The following EPB41L2 variants were observed in gnomAD, a reference collection of about 807,000 sequenced individuals.
The protein encoded by EPB41L2 is band 4.1-like protein 2.
A neutral mutation model predicts 113.0 loss-of-function variants in EPB41L2; 43 were observed. The ratio of observed to expected loss-of-function variants is 0.38; its 90% CI spans 0.30 to 0.49. The LOEUF (loss-of-function observed/expected upper bound fraction) is 0.49, where lower values mean the gene tolerates loss of function less well. Among genes scored for constraint, EPB41L2 ranks in the 20% least tolerant of loss-of-function variants. The pLI is 0.95. For missense variants in EPB41L2, 1,147 were observed against 1,223.4 expected, an observed-to-expected ratio of 0.94 and a Z score of 0.93; for synonymous variants, 442 against 436.7, an observed-to-expected ratio of 1.01 and a Z score of -0.15.
rs73775331 is a variant in EPB41L2, at chr6:130,880,723, A to G, written c.1834-517T>C. The G allele has an allele frequency of 9.8e-3, 3,966 of 403,020 alleles. 75 individuals carry two copies. The highest frequency in any genetic ancestry group is 0.048 in the African/African-American group (2,337 of 48,760). 25.0% of individuals were successfully genotyped at this position (403,020 alleles called of 1,614,324 possible). ...AGGTGGAATGGAGGATGGAAGCTTC[A>G]CTCTTTCTCAGTCCCTAGATTATGC... On this transcript the variant is annotated intron_variant, in intron 12 of 19. Coordinates refer to ENST00000337057, the MANE Select transcript of EPB41L2 (RefSeq NM_001431.4).
chr6:131,050,843 C>T (rs1205470196), intron 1 of EPB41L2, among the ~76,000 whole-genome samples: 1 of 152,200 alleles, frequency 6.6e-6, no homozygotes, highest in African/African-American at 2.4e-5. Context: ...ATCTGTCCGC[C>T]TTGGCCTCCC....
intron 1 of EPB41L2, among the ~76,000 whole-genome samples, chr6:130,960,410 C>T (rs1425897929): frequency 1.3e-5 from 2 of 152,138 alleles, no homozygotes; most frequent in African/African-American, 4.8e-5. Flanking sequence ...ACCATGTAAT[C>T]ATAACTGAGC....
At chr6:130,846,927 T>C (rs1389713613) in intron 19 of EPB41L2, among the ~76,000 whole-genome samples, 2 of 152,368 alleles carry the variant, frequency 1.3e-5, no homozygotes, top group East Asian at 3.9e-4. Flanking sequence ...CTCTTAGAGA[T>C]GTCCAGTTCA....
At chr6:130,944,801 G>A (rs1312510682) in intron 3 of EPB41L2, among the ~76,000 whole-genome samples, 3 of 152,156 alleles carry the variant, frequency 2.0e-5, no homozygotes, top group Admixed American at 6.5e-5. Flanking sequence ...GAGGTTATAC[G>A]TGACCAAGAG....
intron 1 of EPB41L2, among the ~76,000 whole-genome samples, chr6:131,004,595 C>T (rs1404709375): frequency 6.6e-6 from 1 of 152,136 alleles, no homozygotes; most frequent in African/African-American, 2.4e-5. Context: ...CATGTGCTCT[C>T]CAGAGGAAGA....
chr6:130,855,724 A>G (rs1434219959), intron 19 of EPB41L2, among the ~76,000 whole-genome samples: 3 of 152,224 alleles, frequency 2.0e-5, no homozygotes, highest in African/African-American at 4.8e-5. Context: ...CAATATTAAA[A>G]AGATGTAATT....
chr6:130,913,935 G>A (rs955322599), intron 4 of EPB41L2, among the ~76,000 whole-genome samples: 6 of 152,186 alleles, frequency 3.9e-5, no homozygotes, highest in Non-Finnish European at 7.4e-5. Flanking sequence ...GGGTGTGTGT[G>A]CACAACATAC....
chr6:130,975,183 T>C (rs562600388), intron 1 of EPB41L2, among the ~76,000 whole-genome samples: 4 of 152,340 alleles, frequency 2.6e-5, no homozygotes, highest in African/African-American at 7.2e-5. Flanking sequence ...TATTCAAACA[T>C]TGTTATTATA....
intron 1 of EPB41L2, among the ~76,000 whole-genome samples, chr6:131,032,615 A>G (rs1792412945): frequency 6.6e-6 from 1 of 152,202 alleles, no homozygotes; most frequent in African/African-American, 2.4e-5. Context: ...AACTTTACAG[A>G]AAAGTAACAG....
At chr6:130,876,652 T>A (rs1232567367) in intron 14 of EPB41L2, 2 of 1,281,798 alleles carry the variant, frequency 1.6e-6, no homozygotes, top group Non-Finnish European at 1.0e-6. Context: ...CAAGAGTAGA[T>A]CCAAGGGTGC....
chr6:130,884,153 G>A (rs923894333), intron 12 of EPB41L2, among the ~76,000 whole-genome samples: 12 of 151,916 alleles, frequency 7.9e-5, no homozygotes, highest in Admixed American at 2.0e-4. Context: ...TGACCAACAC[G>A]GTGAAACCCC....
chr6:130,973,661 C>T (rs1016044343), intron 1 of EPB41L2, among the ~76,000 whole-genome samples: 32 of 152,152 alleles, frequency 2.1e-4, no homozygotes, highest in African/African-American at 7.5e-4. Flanking sequence ...AATGCATATC[C>T]GATTGCCTCT....
intron 6 of EPB41L2, among the ~76,000 whole-genome samples, chr6:130,902,752 C>T (rs563628579): frequency 3.9e-5 from 6 of 152,276 alleles, no homozygotes; most frequent in African/African-American, 1.4e-4. Context: ...CTCTGCTTTT[C>T]ACATTGGTCC....
At chr6:130,930,793 AG>A (rs1193357911) in intron 3 of EPB41L2, among the ~76,000 whole-genome samples, 2 of 150,010 alleles carry the variant, frequency 1.3e-5, no homozygotes, top group African/African-American at 4.8e-5. Flanking sequence ...TGCACATAGT[AG>A]AATTATCAAG....
intron 1 of EPB41L2, among the ~76,000 whole-genome samples, chr6:131,017,043 GA>G (rs1220022581): frequency 6.6e-6 from 1 of 152,022 alleles, no homozygotes; most frequent in Non-Finnish European, 1.5e-5. Context: ...TTGTGTGTTG[GA>G]AAAACACTAT....
At chr6:130,898,869 C>A (rs1795430398) in intron 8 of EPB41L2, among the ~76,000 whole-genome samples, 2 of 151,900 alleles carry the variant, frequency 1.3e-5, no homozygotes, top group African/African-American at 4.8e-5. Context: ...AGATTTTGAT[C>A]TTTTGGGATT....
intron 4 of EPB41L2, among the ~76,000 whole-genome samples, chr6:130,919,805 G>A (rs938818099): frequency 1.3e-5 from 2 of 152,120 alleles, no homozygotes; most frequent in African/African-American, 4.8e-5. Flanking sequence ...ATATTCTGCT[G>A]CCATCCCAAA....
At chr6:130,952,644 T>C (rs1454605862) in intron 3 of EPB41L2, among the ~76,000 whole-genome samples, 6 of 152,104 alleles carry the variant, frequency 3.9e-5, no homozygotes, top group Non-Finnish European at 1.5e-5. Flanking sequence ...ACCCCGTCTC[T>C]ACTAAAAATA....
chr6:131,042,713 TCTAA>T (rs1584735613), intron 1 of EPB41L2, among the ~76,000 whole-genome samples: 1 of 152,156 alleles, frequency 6.6e-6, no homozygotes, highest in African/African-American at 2.4e-5. Context: ...GGGTAAGAAA[TCTAA>T]CTAGCAAAAC....
Sources: allele counts gnomAD v4.1 joint callset (sites outside exome capture counted in the v4.1 genomes callset), GRCh38; gene constraint gnomAD v4.1.1; transcripts MANE v1.5; gene names NCBI Gene and HGNC (gene_info 2026-07-23, HGNC 2026-07-21).